FHIT: variants seen among roughly 807,000 people sequenced by gnomAD.
The protein encoded by FHIT is fragile histidine triad diadenosine triphosphatase.
A neutral mutation model predicts 17.9 loss-of-function variants in FHIT; 19 were observed. That is an observed-to-expected ratio of 1.06 (90% CI 0.74 to 1.56). FHIT has a LOEUF of 1.56. FHIT is among the 40% of genes most tolerant of loss of function. The pLI is 0.00. For synonymous variants in FHIT, 81 were observed against 69.7 expected (o/e 1.16, Z -0.81); for missense variants, 248 against 189.2 (o/e 1.31, Z -1.82).
At chr3:60,145,645 T>C (rs765854356) in intron 5 of FHIT, among the ~76,000 whole-genome samples, 2 of 152,204 alleles carry the variant, frequency 1.3e-5, no homozygotes, top group African/African-American at 2.4e-5. Context: ...ACAAAATAGA[T>C]GGTCCTAGCT....
intron 3 of FHIT, among the ~76,000 whole-genome samples, chr3:60,856,785 G>A (rs1256434407): frequency 6.6e-6 from 1 of 151,862 alleles, no homozygotes; most frequent in African/African-American, 2.4e-5. Context: ...CCTTCTCTAT[G>A]CTCCCACCTG....
chr3:61,099,274 T>C (rs2035743400), intron 2 of FHIT, among the ~76,000 whole-genome samples: 1 of 152,234 alleles, frequency 6.6e-6, no homozygotes, highest in African/African-American at 2.4e-5. Context: ...TAAAGGTTAC[T>C]TAATCACAGG....
chr3:60,203,058 T>C (rs1380377916), intron 5 of FHIT, among the ~76,000 whole-genome samples: 3 of 152,000 alleles, frequency 2.0e-5, no homozygotes, highest in East Asian at 1.9e-4. Flanking sequence ...GTCTGTAAAA[T>C]TGGTAAAATC....
At chr3:60,714,655 G>A (rs2041633332) in intron 4 of FHIT, among the ~76,000 whole-genome samples, 1 of 152,130 alleles carries the variant, frequency 6.6e-6, no homozygotes, top group South Asian at 2.1e-4. Flanking sequence ...CAAACAGAGA[G>A]CCAAATCATG....
At chr3:60,130,807 A>ATGTGTGTG (rs1333160460) in intron 5 of FHIT, among the ~76,000 whole-genome samples, 4 of 97,302 alleles carry the variant, frequency 4.1e-5, no homozygotes, top group African/African-American at 1.2e-4. Flanking sequence ...ACACATATAT[A>ATGTGTGTG]TGTGTGTATG....
chr3:60,453,473 T>C (rs561342125), intron 5 of FHIT, among the ~76,000 whole-genome samples: 34 of 152,254 alleles, frequency 2.2e-4, no homozygotes, highest in African/African-American at 7.7e-4. Context: ...CAGGCTAGGA[T>C]GCAACATAGA....
chr3:60,569,412 T>C (rs1342587412), intron 4 of FHIT, among the ~76,000 whole-genome samples: 4 of 152,168 alleles, frequency 2.6e-5, no homozygotes, highest in Middle Eastern at 3.4e-3. Context: ...AAGCCAATTA[T>C]TTTGCAAATT....
chr3:60,925,266 A>C (rs976645314), intron 3 of FHIT, among the ~76,000 whole-genome samples: 16 of 152,292 alleles, frequency 1.1e-4, no homozygotes, highest in South Asian at 8.3e-4. Context: ...GTCAGATTCA[A>C]CAAAGTTGAA....
At chr3:60,826,255 C>T (rs1222384023) in intron 3 of FHIT, among the ~76,000 whole-genome samples, 3 of 151,980 alleles carry the variant, frequency 2.0e-5, no homozygotes, top group Non-Finnish European at 4.4e-5. Context: ...TGCACTTAAG[C>T]TAATCGCTAA....
intron 7 of FHIT, among the ~76,000 whole-genome samples, chr3:59,932,334 A>G (rs1175718468): frequency 6.6e-6 from 1 of 152,230 alleles, no homozygotes; most frequent in African/African-American, 2.4e-5. Flanking sequence ...CAAAAAGAAC[A>G]GATAAAAAGT....
chr3:60,341,963 G>A (rs755766517), intron 5 of FHIT, among the ~76,000 whole-genome samples: 19 of 152,098 alleles, frequency 1.2e-4, no homozygotes, highest in Non-Finnish European at 2.4e-4. Context: ...ACATTGAAGG[G>A]TAAGGGAATT....
chr3:60,735,682 G>A (rs1377003468), intron 4 of FHIT, among the ~76,000 whole-genome samples: 1 of 152,178 alleles, frequency 6.6e-6, no homozygotes, highest in African/African-American at 2.4e-5. Flanking sequence ...TGCCATCTTT[G>A]AGAAGCTGCA....
chr3:60,450,942 A>C (rs1163820394), intron 5 of FHIT, among the ~76,000 whole-genome samples: 1 of 152,186 alleles, frequency 6.6e-6, no homozygotes, highest in African/African-American at 2.4e-5. Flanking sequence ...TAAGTGAGAG[A>C]TATAAGCAGA....
At chr3:61,056,602 G>GA (rs1559946790) in intron 2 of FHIT, among the ~76,000 whole-genome samples, 1 of 152,130 alleles carries the variant, frequency 6.6e-6, no homozygotes, top group African/African-American at 2.4e-5. Flanking sequence ...TGAATGAAGC[G>GA]AAAGAGTGAG....
intron 4 of FHIT, among the ~76,000 whole-genome samples, chr3:60,818,446 C>T (rs1447097094): frequency 6.6e-6 from 1 of 152,088 alleles, no homozygotes; most frequent in African/African-American, 2.4e-5. Flanking sequence ...GGTAGCAGCT[C>T]GAATCTCAGT....
chr3:60,535,542 T>C (rs1032233635), intron 5 of FHIT, among the ~76,000 whole-genome samples: 1 of 151,886 alleles, frequency 6.6e-6, no homozygotes. Context: ...CAATTGGTAT[T>C]AAAATTAAAA....
At chr3:60,256,584 A>T (rs1490890466) in intron 5 of FHIT, among the ~76,000 whole-genome samples, 1 of 152,184 alleles carries the variant, frequency 6.6e-6, no homozygotes, top group Non-Finnish European at 1.5e-5. Flanking sequence ...AGGTTACACA[A>T]CTAGGCAGAA....
intron 4 of FHIT, among the ~76,000 whole-genome samples, chr3:60,569,222 T>G (rs902289494): frequency 3.9e-5 from 6 of 152,138 alleles, no homozygotes; most frequent in African/African-American, 1.4e-4. Flanking sequence ...GATTCCAGGA[T>G]GTAGAACAGT....
At chr3:59,842,073 C>T (rs1022403052) in intron 8 of FHIT, among the ~76,000 whole-genome samples, 19 of 152,142 alleles carry the variant, frequency 1.2e-4, no homozygotes, top group African/African-American at 4.3e-4. Flanking sequence ...ATTCTCCCTC[C>T]CCCCAGCTTC....
Sources: allele counts gnomAD v4.1 joint callset (sites outside exome capture counted in the v4.1 genomes callset), GRCh38; gene constraint gnomAD v4.1.1; transcripts MANE v1.5; gene names NCBI Gene and HGNC (gene_info 2026-07-23, HGNC 2026-07-21).